Variants in TSHZ2 observed in about 807,000 individuals in gnomAD.
The protein encoded by TSHZ2 is teashirt zinc finger homeobox 2.
A neutral mutation model predicts 74.4 loss-of-function variants in TSHZ2; 21 were observed. The ratio of observed to expected loss-of-function variants is 0.28; its 90% CI spans 0.20 to 0.41. The LOEUF is 0.41. Among genes scored for constraint, TSHZ2 ranks in the 10% least tolerant of loss-of-function variants. The probability of loss-of-function intolerance (pLI) is 1.00; values close to 1 mark genes in which losing one functional copy is unlikely to be tolerated. For missense variants in TSHZ2, 1,244 were observed against 1,293.5 expected, an observed-to-expected ratio of 0.96 and a Z score of 0.59; for synonymous variants, 540 against 515.3, an observed-to-expected ratio of 1.05 and a Z score of -0.65.
rs1409725550 is a variant in TSHZ2 at position 53,254,689 on chromosome 20, T to C, written c.1231T>C (p.Ser411Pro). The C allele has an allele frequency of 1.2e-6, 2 of 1,614,036 alleles. No individual in the cohort carries two copies. Among genetic ancestry groups the C allele is most frequent in the Non-Finnish European group, 1.7e-6 (2 of 1,180,040 alleles). Residue 411 changes from serine to proline, a missense_variant, in exon 2 of 3, where the codon TCT becomes CCT. This residue lies in a region of TSHZ2 where 562 missense variants were observed against 544.0 expected (regional missense o/e 1.03). Transcript: ENST00000371497. ...VTGHFLKVTS[S>P]ASKKGKQLVL... is the part of the protein sequence containing the mutation. ...AGGTCACTTTCTCAAGGTCACCAGC[T>C]CTGCCTCCAAGAAAGGGAAGCAGCT... is the stretch of plus-strand genomic sequence containing the variant.
At chr20:53,051,551 G>A (rs1488355943) in intron 1 of TSHZ2, among the ~76,000 whole-genome samples, 2 of 151,356 alleles carry the variant, frequency 1.3e-5, no homozygotes, top group Admixed American at 1.3e-4. Context: ...TTGCTGTAGA[G>A]AACTAAAGAA....
Position 53,008,980 on chromosome 20 carries a change from CCTCTCTCTCTCTCTCTCTCTCTCTCTCT to C in TSHZ2, c.40+35671_40+35698del, listed in dbSNP as rs55692015. Among the ~76,000 whole-genome samples, 13 of 130,526 alleles carry C rather than the reference CCTCTCTCTCTCTCTCTCTCTCTCTCTCT, an allele frequency of 1.0e-4. No individual in the cohort carries two copies. The South Asian group carries it at 1.4e-3, about 14-fold the overall frequency. The allele number at this position is 130,526 out of a possible 152,430, so 85.6% of individuals were successfully genotyped here. A position where few individuals can be genotyped will look rare whatever the true frequency, so the allele number is the denominator to read the frequency against. ...GAAGTTATTTGAATGTTGTCTTTCT[CCTCTCTCTCTCTCTCTCTCTCTCTCTCT>C]CTCTCTCTCTCTCTCTCTCTCTCAA... On this transcript the variant is annotated intron_variant, in intron 1 of 2. Coordinates refer to ENST00000371497, the MANE Select transcript of TSHZ2 (RefSeq NM_173485.6).
chr20:53,160,986 A>T (rs1050023992), intron 1 of TSHZ2, among the ~76,000 whole-genome samples: 3 of 151,808 alleles, frequency 2.0e-5, no homozygotes, highest in African/African-American at 7.3e-5. Context: ...GAATAAAGTC[A>T]TGATAAAGTT....
At chr20:53,387,041 G>A (rs568983887) in intron 2 of TSHZ2, among the ~76,000 whole-genome samples, 8 of 152,118 alleles carry the variant, frequency 5.3e-5, no homozygotes, top group Non-Finnish European at 8.8e-5. Context: ...GGTTTCAGAG[G>A]TCTGGAAACA....
In TSHZ2 at chr20:53,417,255, CA is replaced by C. The variant is rs1568908371; in HGVS notation, c.*9-69888del. Reference sequence around the variant, plus strand: ...AGACACACACAGACACACACACACACACACACACACACACACACACACACCA... The same window carrying C: ...AGACACACACAGACACACACACACACCACACACACACACACACACACACCA... On this transcript the variant is annotated intron_variant, in intron 2 of 2. Coordinates refer to ENST00000371497, the MANE Select transcript of TSHZ2 (RefSeq NM_173485.6). Among the ~76,000 whole-genome samples, 252 of 151,246 alleles carry C rather than the reference CA, an allele frequency of 1.7e-3. 1 individual carries two copies. Among genetic ancestry groups the C allele is most frequent in the Middle Eastern group, 6.8e-3 (2 of 294 alleles).
chr20:53,284,928 G>T (rs1991136615), intron 2 of TSHZ2, among the ~76,000 whole-genome samples: 1 of 152,096 alleles, frequency 6.6e-6, no homozygotes, highest in African/African-American at 2.4e-5. Context: ...TCAGTTCAGT[G>T]ATATGAAAGG....
Position 53,385,896 on chromosome 20 carries a change from T to C in TSHZ2, c.*9-101248T>C, listed in dbSNP as rs547927548. ...AGCAGGAGAGTGGCCCAGACAAGCCTGGAGAGAAAAGTAGAGACCAGATCA... is the reference window on the plus strand; with the variant it reads ...AGCAGGAGAGTGGCCCAGACAAGCCCGGAGAGAAAAGTAGAGACCAGATCA... On this transcript the variant is annotated intron_variant, in intron 2 of 2. Transcript: ENST00000371497. Among the ~76,000 whole-genome samples the C allele has an allele frequency of 6.6e-5, 10 of 152,286 alleles. 1 individual carries two copies. In the East Asian group the frequency reaches 1.9e-3, roughly 29 times the overall value.
intron 2 of TSHZ2, among the ~76,000 whole-genome samples, chr20:53,349,426 C>A (rs2145583363): frequency 6.6e-6 from 1 of 152,294 alleles, no homozygotes; most frequent in Non-Finnish European, 1.5e-5. Context: ...CTGAGGAAGG[C>A]AGATCACTTG....
chr20:53,379,341 C>T lies in TSHZ2; in HGVS notation c.*9-107803C>T, dbSNP rs1448628194. ...AAGCTGAAATGAGCCGTGATTGTGCCACTGCATTCCAGCCTGGGTGACAGA... is the reference window on the plus strand; with the variant it reads ...AAGCTGAAATGAGCCGTGATTGTGCTACTGCATTCCAGCCTGGGTGACAGA... On this transcript the variant is annotated intron_variant, in intron 2 of 2. Transcript: ENST00000371497. Among the ~76,000 whole-genome samples, 3 of 152,190 alleles carry T rather than the reference C, an allele frequency of 2.0e-5. No homozygotes were observed. The East Asian group carries it at 5.8e-4, about 29-fold the overall frequency.
intron 1 of TSHZ2, among the ~76,000 whole-genome samples, chr20:53,062,897 G>A (rs192711162): frequency 6.6e-6 from 1 of 152,282 alleles, no homozygotes; most frequent in Admixed American, 6.5e-5. Flanking sequence ...TTTAAAGTGA[G>A]AGATGTGTGC....
At chr20:53,171,548 T>G (rs527926315) in intron 1 of TSHZ2, among the ~76,000 whole-genome samples, 1 of 54,668 alleles carries the variant, frequency 1.8e-5, no homozygotes, top group South Asian at 5.1e-4. Flanking sequence ...CTTCTAAATG[T>G]TTTTTTTTTC....
At chr20:53,001,912 G>A (rs959138525) in intron 1 of TSHZ2, among the ~76,000 whole-genome samples, 1 of 152,142 alleles carries the variant, frequency 6.6e-6, no homozygotes, top group East Asian at 1.9e-4. Context: ...CTTTGATGGA[G>A]AACGGACTAA....
chr20:53,133,354 C>G (rs1201539344), intron 1 of TSHZ2, among the ~76,000 whole-genome samples: 1 of 152,218 alleles, frequency 6.6e-6, no homozygotes, highest in Non-Finnish European at 1.5e-5. Flanking sequence ...CAGTACATGA[C>G]AGACACAAGG....
chr20:53,240,833 CA>C (rs1990052345), intron 1 of TSHZ2, among the ~76,000 whole-genome samples: 1 of 151,880 alleles, frequency 6.6e-6, no homozygotes, highest in Non-Finnish European at 1.5e-5. Context: ...TGAAAACTAA[CA>C]TCAGAATAAT....
At chr20:53,184,000 C>T (rs1238485319) in intron 1 of TSHZ2, among the ~76,000 whole-genome samples, 1 of 152,146 alleles carries the variant, frequency 6.6e-6, no homozygotes, top group African/African-American at 2.4e-5. Context: ...TTGCCCACAA[C>T]GCTATCCAGA....
intron 2 of TSHZ2, among the ~76,000 whole-genome samples, chr20:53,408,386 T>C (rs746458239): frequency 4.6e-5 from 7 of 152,180 alleles, no homozygotes; most frequent in Admixed American, 2.6e-4. Context: ...CTCAAGCCAG[T>C]CTCTAATATC....
intron 1 of TSHZ2, among the ~76,000 whole-genome samples, chr20:53,199,255 T>C (rs903418429): frequency 6.6e-6 from 1 of 152,166 alleles, no homozygotes; most frequent in Non-Finnish European, 1.5e-5. Flanking sequence ...CCCAGCACTT[T>C]GGGAGGCCGA....
intron 2 of TSHZ2, among the ~76,000 whole-genome samples, chr20:53,413,113 G>A (rs1983112380): frequency 6.6e-6 from 1 of 152,164 alleles, no homozygotes; most frequent in African/African-American, 2.4e-5. Flanking sequence ...GATCATGCAC[G>A]ATGTCATCGT....
intron 2 of TSHZ2, among the ~76,000 whole-genome samples, chr20:53,469,634 G>GAGGAAGGAAGGAAGGAAGGA (rs756806325): frequency 5.1e-4 from 18 of 35,502 alleles, no homozygotes; most frequent in African/African-American, 7.3e-4. Context: ...GGAAGGGAGG[G>GAGGAAGGAAGGAAGGAAGGA]AGGAAGGAAG....
Sources: allele counts gnomAD v4.1 joint callset (sites outside exome capture counted in the v4.1 genomes callset), GRCh38; gene constraint gnomAD v4.1.1; regional missense constraint gnomAD v4.1.1; transcripts MANE v1.5; gene names NCBI Gene and HGNC (gene_info 2026-07-23, HGNC 2026-07-21).